The following CHRM3 variants were observed in gnomAD, a reference collection of about 807,000 sequenced individuals.
CHRM3 encodes the protein muscarinic acetylcholine receptor M3.
In CHRM3, 11 loss-of-function variants were observed where a neutral mutation model predicts 41.8. The ratio of observed to expected loss-of-function variants is 0.26; its 90% CI spans 0.17 to 0.44. The LOEUF is 0.44. Among genes scored for constraint, CHRM3 ranks in the 20% least tolerant of loss-of-function variants. The probability of loss-of-function intolerance (pLI) is 1.00; values close to 1 mark genes in which losing one functional copy is unlikely to be tolerated. For missense variants in CHRM3, 571 were observed against 745.4 expected (o/e 0.77, Z 2.72); for synonymous variants, 297 against 301.4 (o/e 0.99, Z 0.15).
chr1:239,899,307 G>A (rs534159199), intron 6 of CHRM3, among the ~76,000 whole-genome samples: 48 of 106,660 alleles, frequency 4.5e-4, no homozygotes, highest in African/African-American at 1.9e-3. Flanking sequence ...GTGTGTGTGT[G>A]TATATACACA....
At chr1:239,481,220 G>A (rs72756705) in intron 1 of CHRM3, among the ~76,000 whole-genome samples, 237 of 152,232 alleles carry the variant, frequency 1.6e-3, no homozygotes, top group Non-Finnish European at 3.2e-3. Flanking sequence ...GTACATATAT[G>A]TATGCTTTTA....
At chr1:239,494,454 A>G (rs1667752495) in intron 2 of CHRM3, among the ~76,000 whole-genome samples, 1 of 152,214 alleles carries the variant, frequency 6.6e-6, no homozygotes, top group Non-Finnish European at 1.5e-5. Flanking sequence ...GTGTGAAGAT[A>G]CGTACATAAA....
chr1:239,663,860 T>C (rs972325521), intron 4 of CHRM3, among the ~76,000 whole-genome samples: 2 of 152,192 alleles, frequency 1.3e-5, no homozygotes, highest in African/African-American at 4.8e-5. Flanking sequence ...TTTAAAGAAA[T>C]CTCAGGAAAT....
intron 5 of CHRM3, among the ~76,000 whole-genome samples, chr1:239,788,918 G>A (rs1669123741): frequency 6.6e-6 from 1 of 152,120 alleles, no homozygotes; most frequent in African/African-American, 2.4e-5. Context: ...ATGTGTATTA[G>A]TTATAGTAAT....
At chr1:239,777,470 TG>T (rs1668182375) in intron 5 of CHRM3, among the ~76,000 whole-genome samples, 1 of 152,208 alleles carries the variant, frequency 6.6e-6, no homozygotes, top group Non-Finnish European at 1.5e-5. Flanking sequence ...CTGTGCTATT[TG>T]GGGTGGTACT....
At chr1:239,398,535 G>A (rs1254512070) in intron 1 of CHRM3, among the ~76,000 whole-genome samples, 1 of 152,150 alleles carries the variant, frequency 6.6e-6, no homozygotes, top group East Asian at 1.9e-4. Context: ...ACCACGCCTG[G>A]CCAATATAAA....
At chr1:239,554,338 G>A (rs1006955184) in intron 3 of CHRM3, among the ~76,000 whole-genome samples, 7 of 151,896 alleles carry the variant, frequency 4.6e-5, no homozygotes, top group African/African-American at 1.5e-4. Context: ...ACCTCCTATG[G>A]TATAGCAGGC....
chr1:239,691,102 C>G lies in CHRM3; in HGVS notation c.-147+12814C>G, dbSNP rs1230450909. Among the ~76,000 whole-genome samples the G allele has an allele frequency of 3.3e-5, 5 of 152,066 alleles. No individual in the cohort carries two copies. The East Asian group carries it at 9.7e-4, about 30-fold the overall frequency. On this transcript the variant is annotated intron_variant, in intron 5 of 6. Transcript: ENST00000676153. ...CTAATGGGAGGCGTCATGAGCTGAG[C>G]TCTTCCTGCTGCTGGGGGAATCCAG...
intron 3 of CHRM3, among the ~76,000 whole-genome samples, chr1:239,570,601 G>A (rs952491717): frequency 6.6e-6 from 1 of 152,160 alleles, no homozygotes; most frequent in Non-Finnish European, 1.5e-5. Flanking sequence ...ACTAATGCTT[G>A]CAGATTGGTT....
chr1:239,778,984 A>G (rs1216911051), intron 5 of CHRM3, among the ~76,000 whole-genome samples: 2 of 152,078 alleles, frequency 1.3e-5, no homozygotes, highest in African/African-American at 4.8e-5. Flanking sequence ...GTTTAACAAT[A>G]TTTTCCTGCC....
chr1:239,562,477 T>A (rs1357386348), intron 3 of CHRM3, among the ~76,000 whole-genome samples: 2 of 152,176 alleles, frequency 1.3e-5, no homozygotes, highest in African/African-American at 2.4e-5. Context: ...ATAAAAGGAT[T>A]GTCTCTATCA....
At chr1:239,787,666 G>A (rs907975929) in intron 5 of CHRM3, among the ~76,000 whole-genome samples, 1 of 152,088 alleles carries the variant, frequency 6.6e-6, no homozygotes, top group Non-Finnish European at 1.5e-5. Flanking sequence ...GGGGAAGCGG[G>A]AACAGCTACC....
Position 239,909,133 on chromosome 1 carries a change from G to T in CHRM3, c.1682G>T (p.Cys561Phe). ...FRTTFKMLLL[C>F]QCDKKKRRKQ... ...ACCACTTTCAAGATGCTGCTGCTGT[G>T]CCAGTGTGACAAAAAAAAGAGGCGC... The change falls in exon 7 of 7, where the codon TGC (cysteine) becomes TTC (phenylalanine). Residue 561 changes from cysteine to phenylalanine, a missense_variant. Physicochemically the swap from Cys to Phe is radical, Grantham distance 205. Around this residue, in one of 5 missense-constraint regions of CHRM3, gnomAD observed 44 missense variants for 39.7 expected, o/e 1.11. Transcript: ENST00000676153. 1 of 1,614,088 alleles carries T rather than the reference G, an allele frequency of 6.2e-7. No individual in the cohort carries two copies. Among genetic ancestry groups the T allele is most frequent in the Non-Finnish European group, 8.5e-7 (1 of 1,180,042 alleles).
chr1:239,843,116 A>C (rs1400637355), intron 6 of CHRM3, among the ~76,000 whole-genome samples: 1 of 152,046 alleles, frequency 6.6e-6, no homozygotes, highest in African/African-American at 2.4e-5. Flanking sequence ...ACTCTTTACT[A>C]TCCAGGTAAT....
intron 5 of CHRM3, among the ~76,000 whole-genome samples, chr1:239,683,612 T>C (rs1658787483): frequency 6.6e-6 from 1 of 152,210 alleles, no homozygotes; most frequent in Admixed American, 6.5e-5. Flanking sequence ...CTCTTATCTT[T>C]AACAACTTTG....
At chr1:239,657,040 G>A (rs894065224) in intron 4 of CHRM3, among the ~76,000 whole-genome samples, 1 of 152,144 alleles carries the variant, frequency 6.6e-6, no homozygotes, top group African/African-American at 2.4e-5. Flanking sequence ...AAGAAAGGAT[G>A]TTATAATGCT....
At chr1:239,823,806 G>A (rs1398039987) in intron 5 of CHRM3, among the ~76,000 whole-genome samples, 1 of 151,882 alleles carries the variant, frequency 6.6e-6, no homozygotes, top group East Asian at 1.9e-4. Flanking sequence ...CAAACTTGGG[G>A]AAAAAATAGT....
chr1:239,481,112 A>G (rs1014646651), intron 1 of CHRM3, among the ~76,000 whole-genome samples: 1 of 152,242 alleles, frequency 6.6e-6, no homozygotes, highest in African/African-American at 2.4e-5. Context: ...GGGTACATAC[A>G]TGTAAGTGTG....
At chr1:239,394,984 G>T (rs1659355627) in intron 1 of CHRM3, among the ~76,000 whole-genome samples, 1 of 152,022 alleles carries the variant, frequency 6.6e-6, no homozygotes, top group Non-Finnish European at 1.5e-5. Flanking sequence ...ACCTTCATGA[G>T]GTTTATAGCA....
Sources: allele counts gnomAD v4.1 joint callset (sites outside exome capture counted in the v4.1 genomes callset), GRCh38; gene constraint gnomAD v4.1.1; regional missense constraint gnomAD v4.1.1; transcripts MANE v1.5; gene names NCBI Gene and HGNC (gene_info 2026-07-23, HGNC 2026-07-21).